The following FAM20C variants were observed in gnomAD, a reference collection of about 807,000 sequenced individuals.
FAM20C encodes the protein FAM20C golgi associated secretory pathway kinase, also known as extracellular serine/threonine protein kinase FAM20C.
A neutral mutation model predicts 51.5 loss-of-function variants in FAM20C; 40 were observed. That is an observed-to-expected ratio of 0.78 (90% confidence interval 0.60 to 1.01). FAM20C has a LOEUF of 1.01. Among genes scored for constraint, FAM20C ranks in the 50% least tolerant of loss-of-function variants. The probability of loss-of-function intolerance (pLI) is 0.00; values close to 1 mark genes in which losing one functional copy is unlikely to be tolerated. For synonymous variants in FAM20C, 406 were observed against 380.6 expected (o/e 1.07, Z -0.78); for missense variants, 861 against 844.7 (o/e 1.02, Z -0.24).
At chr7:227,091 A>G (rs766284926) in intron 3 of FAM20C, among the ~76,000 whole-genome samples, 1 of 151,792 alleles carries the variant, frequency 6.6e-6, no homozygotes, top group Non-Finnish European at 1.5e-5. Context: ...CCTGGAAAAG[A>G]TTACCCCATT....
chr7:219,395 GCCAGCCCAGGACAGCAACGC>G (rs1787147122), intron 3 of FAM20C, among the ~76,000 whole-genome samples: 1 of 140,570 alleles, frequency 7.1e-6, no homozygotes, highest in Non-Finnish European at 1.6e-5. Context: ...GACAGCAATG[GCCAGCCCAGGACAGCAACGC>G]CCAGCCCAGG....
At chr7:222,183 C>T (rs1464773474) in intron 3 of FAM20C, among the ~76,000 whole-genome samples, 1 of 152,150 alleles carries the variant, frequency 6.6e-6, no homozygotes, top group Non-Finnish European at 1.5e-5. Context: ...GCAGGGATGT[C>T]TGGAGGTCCA....
At chr7:231,273 C>A (rs182706746) in intron 3 of FAM20C, among the ~76,000 whole-genome samples, 7 of 152,176 alleles carry the variant, frequency 4.6e-5, no homozygotes, top group Non-Finnish European at 1.0e-4. Flanking sequence ...GCAGCATGTT[C>A]GGGGAGCCCG....
intron 5 of FAM20C, 101 bp from the exon 6 acceptor site, chr7:255,748 A>T: frequency 1.6e-6 from 2 of 1,289,634 alleles, no homozygotes; most frequent in Non-Finnish European, 1.1e-6. Context: ...TGCCCATGAG[A>T]AGCACCAGGC....
intron 3 of FAM20C, among the ~76,000 whole-genome samples, chr7:240,687 C>T (rs1787919840): frequency 6.6e-6 from 1 of 152,142 alleles, no homozygotes; most frequent in Admixed American, 6.5e-5. Context: ...GGAAGCAAGC[C>T]CTTGGCCAGG....
chr7:243,941 A>ATTATTATT (rs1554254455), intron 3 of FAM20C, among the ~76,000 whole-genome samples: 6,218 of 111,692 alleles, frequency 0.056, 191 homozygotes, highest in Non-Finnish European at 0.077. Context: ...TAATAATAAT[A>ATTATTATT]ATAATTATTA....
Position 223,690 on chromosome 7 carries a change from G to A in FAM20C, c.863+14714G>A, listed in dbSNP as rs368835431. Among the ~76,000 whole-genome samples the A allele has an allele frequency of 3.3e-5, 5 of 152,366 alleles. No homozygotes were observed. The East Asian group carries it at 5.8e-4, about 18-fold the overall frequency. On this transcript the variant is annotated intron_variant, in intron 3 of 9. Transcript: ENST00000313766. ...AGCCTGCAGCTGCAGTCACAGGGAG[G>A]GGCCCTTACGCGGATGCCGCAGGTG...
intron 3 of FAM20C, among the ~76,000 whole-genome samples, chr7:224,194 G>A (rs1410618757): frequency 7.2e-6 from 1 of 139,200 alleles, no homozygotes; most frequent in East Asian, 2.0e-4. Context: ...GCACCGTCAC[G>A]GGGTCGCACG....
intron 3 of FAM20C, among the ~76,000 whole-genome samples, chr7:224,218 G>C (rs1787373801): frequency 7.2e-6 from 1 of 138,162 alleles, no homozygotes; most frequent in Non-Finnish European, 1.6e-5. Flanking sequence ...GCTGTCCCCT[G>C]AGCCTTCTCT....
intron 3 of FAM20C, 25 bp downstream of exon 3, chr7:209,001 G>A (rs1315537827): frequency 6.4e-7 from 1 of 1,564,464 alleles, no homozygotes; most frequent in Admixed American, 1.9e-5. Flanking sequence ...CTGTGGGCTG[G>A]GGCGTGAGGA....
At chr7:210,397 AC>A (rs942663314) in intron 3 of FAM20C, among the ~76,000 whole-genome samples, 9 of 151,764 alleles carry the variant, frequency 5.9e-5, no homozygotes, top group Non-Finnish European at 1.2e-4. Context: ...CTGTTTGAAG[AC>A]CCCTCCTTTC....
intron 3 of FAM20C, among the ~76,000 whole-genome samples, chr7:224,304 ACCGTCACGGGGGTCGCACGGCGG>A (rs1787381346): frequency 2.5e-5 from 1 of 40,302 alleles, no homozygotes; most frequent in African/African-American, 6.4e-5. Flanking sequence ...GCAGAATGGC[ACCGTCACGGGGGTCGCACGGCGG>A]CTGTCCCCTG....
At chr7:194,191 G>C (rs1268790143) in intron 1 of FAM20C, 1 of 207,836 alleles carries the variant, frequency 4.8e-6, no homozygotes, top group African/African-American at 2.3e-5. Flanking sequence ...GCTCTGGGTG[G>C]GCACCTTGGA....
At position 257,048 on chromosome 7, in the gene FAM20C, G is replaced by A. The variant is rs1476047615; in HGVS notation, c.1407G>A (p.Gly469=). ...ACTACGAGACTTTTGAGAAGTTTGG[G>A]AATGAAACGTTCATCATCCACTTAG... ...RHHYETFEKF[G]NETFIIHLDN... The change falls in exon 8 of 10, where the codon GGG becomes GGA. Residue 469 remains glycine, a synonymous_variant. Coordinates refer to ENST00000313766, the MANE Select transcript of FAM20C (RefSeq NM_020223.4). 11 of 1,537,030 alleles carry A rather than the reference G, an allele frequency of 7.2e-6. No individual in the cohort carries two copies. The highest frequency in any genetic ancestry group is 9.6e-6 in the Non-Finnish European group (11 of 1,146,900).
chr7:256,852 A>C lies in FAM20C; in HGVS notation c.1363+89A>C. The C allele has an allele frequency of 4.8e-6, 7 of 1,444,108 alleles. No individual in the cohort carries two copies. The South Asian group carries it at 7.3e-5, about 15-fold the overall frequency. 89.5% of individuals were successfully genotyped at this position (1,444,108 alleles called of 1,614,324 possible). A position where few individuals can be genotyped will look rare whatever the true frequency, so the allele number is the denominator to read the frequency against. On this transcript the variant is annotated intron_variant, in intron 7 of 9. Transcript: ENST00000313766. Reference sequence around the variant, plus strand: ...GGCTCTGCAGGGCACACTCCGTGGCACGGCCCGGCTGCGGTCCTGTGGCCT... The same window carrying C: ...GGCTCTGCAGGGCACACTCCGTGGCCCGGCCCGGCTGCGGTCCTGTGGCCT...
At chr7:233,308 T>C (rs962659089) in intron 3 of FAM20C, among the ~76,000 whole-genome samples, 7 of 152,228 alleles carry the variant, frequency 4.6e-5, no homozygotes, top group African/African-American at 7.2e-5. Context: ...AGCCTTAGCA[T>C]TGATGGCCTG....
chr7:227,671 T>A (rs1787498439), intron 3 of FAM20C: 3 of 152,192 alleles, frequency 2.0e-5, no homozygotes, highest in Non-Finnish European at 4.4e-5. Flanking sequence ...CCGCGTTCAT[T>A]TCCAGTCTAG....
In FAM20C at chr7:257,835, CA is replaced by C. The variant is rs1788658988; in HGVS notation, c.1445+750del. Among the ~76,000 whole-genome samples the C allele has an allele frequency of 3.6e-5, 4 of 111,016 alleles. 1 individual carries two copies. The highest frequency in any genetic ancestry group is 8.9e-5 in the African/African-American group (2 of 22,474). 72.8% of individuals were successfully genotyped at this position (111,016 alleles called of 152,430 possible). On this transcript the variant is annotated intron_variant, in intron 8 of 9. Coordinates refer to ENST00000313766, the MANE Select transcript of FAM20C (RefSeq NM_020223.4). ...CACTGCCCGGGGTGCTGGAGATGGG[CA>C]GGGTGGACCCACTGCCTGGGGTGCT...
chr7:230,132 G>A (rs1407585403), intron 3 of FAM20C, among the ~76,000 whole-genome samples: 2 of 152,114 alleles, frequency 1.3e-5, no homozygotes, highest in Non-Finnish European at 1.5e-5. Flanking sequence ...TAAAGACTTC[G>A]AGATGAGGAC....
Sources: allele counts gnomAD v4.1 joint callset (sites outside exome capture counted in the v4.1 genomes callset), GRCh38; gene constraint gnomAD v4.1.1; transcripts MANE v1.5; gene names NCBI Gene and HGNC (gene_info 2026-07-23, HGNC 2026-07-21).